Variants in MCPH1 observed in about 807,000 individuals in gnomAD.
MCPH1 encodes the protein microcephalin 1, also known as microcephalin.
A neutral mutation model predicts 84.5 loss-of-function variants in MCPH1; 104 were observed. The ratio of observed to expected loss-of-function variants is 1.23; its 90% CI spans 1.05 to 1.45. The LOEUF (loss-of-function observed/expected upper bound fraction) is 1.45. MCPH1 is among the 40% of genes most tolerant of loss of function. The pLI, the probability that MCPH1 is intolerant of heterozygous loss-of-function variation, is 0.00. For missense variants in MCPH1, 1,498 were observed against 1,005.7 expected (o/e 1.49, Z -6.62); for synonymous variants, 514 against 366.8 (o/e 1.40, Z -4.58).
intron 2 of MCPH1, among the ~76,000 whole-genome samples, chr8:6,410,837 C>T (rs1369024121): frequency 1.3e-5 from 2 of 152,082 alleles, no homozygotes; most frequent in African/African-American, 2.4e-5. Flanking sequence ...GTTTAGAAAA[C>T]AGGCATTATT....
At chr8:6,545,362 C>A (rs952426280) in intron 12 of MCPH1, among the ~76,000 whole-genome samples, 13 of 152,084 alleles carry the variant, frequency 8.5e-5, no homozygotes, top group South Asian at 6.2e-4. Flanking sequence ...CTCAAAAATT[C>A]TTTTAAAAAC....
At chr8:6,501,071 A>G (rs1812083817) in intron 12 of MCPH1, 1 of 152,220 alleles carries the variant, frequency 6.6e-6, no homozygotes, top group Non-Finnish European at 1.5e-5. Context: ...TGTTGAATTC[A>G]TAAAACCTTC....
At chr8:6,494,141 G>C (rs563148089) in intron 11 of MCPH1, 4 of 152,146 alleles carry the variant, frequency 2.6e-5, no homozygotes, top group Admixed American at 1.3e-4. Context: ...GTTTCACCGT[G>C]TTGTCCAGGC....
chr8:6,419,552 C>A (rs901039374), intron 3 of MCPH1, among the ~76,000 whole-genome samples: 13 of 117,264 alleles, frequency 1.1e-4, no homozygotes, highest in African/African-American at 3.9e-4. Flanking sequence ...ACCACCACAC[C>A]TGGCTAATTT....
intron 12 of MCPH1, among the ~76,000 whole-genome samples, chr8:6,596,617 G>A (rs529039019): frequency 6.6e-6 from 1 of 152,192 alleles, no homozygotes; most frequent in East Asian, 1.9e-4. Context: ...ATGAGGGCAT[G>A]ATGAGGGGTG....
chr8:6,606,999 A>G (rs1054309593), intron 12 of MCPH1, among the ~76,000 whole-genome samples: 3 of 152,208 alleles, frequency 2.0e-5, no homozygotes, highest in African/African-American at 7.2e-5. Flanking sequence ...AGTCTTGGGT[A>G]TGTCTTTATC....
chr8:6,591,086 C>T (rs530635376), intron 12 of MCPH1, among the ~76,000 whole-genome samples: 5 of 152,236 alleles, frequency 3.3e-5, no homozygotes, highest in Non-Finnish European at 5.9e-5. Context: ...TTAGTAGAGA[C>T]GGGTTTCTCC....
At chr8:6,445,711 A>G (rs1312608485) in intron 8 of MCPH1, 164 bp downstream of exon 8, 7 of 1,415,674 alleles carry the variant, frequency 4.9e-6, no homozygotes, top group Non-Finnish European at 6.4e-6. Flanking sequence ...CTCTTTAGGA[A>G]TAGATGACTT....
At chr8:6,563,693 T>C (rs951314416) in intron 12 of MCPH1, among the ~76,000 whole-genome samples, 1 of 152,252 alleles carries the variant, frequency 6.6e-6, no homozygotes, top group Non-Finnish European at 1.5e-5. Context: ...GAAGTTTGGC[T>C]CCTGTAAACG....
rs927120394 is a variant in MCPH1 at position 6,643,300 on chromosome 8, T to G, written c.*251T>G. The G allele has an allele frequency of 4.1e-6, 2 of 489,630 alleles. No homozygotes were observed. Among genetic ancestry groups the G allele is most frequent in the Non-Finnish European group, 7.3e-6 (2 of 272,150 alleles). 30.3% of individuals were successfully genotyped at this position (489,630 alleles called of 1,614,324 possible). Reference sequence around the variant, plus strand: ...TATTTTTTGAGACGGAGTCCTGCCCTGTTTCCCAGGCTGGAGTGCAATGGC... The same window carrying G: ...TATTTTTTGAGACGGAGTCCTGCCCGGTTTCCCAGGCTGGAGTGCAATGGC... On this transcript the variant is annotated 3_prime_UTR_variant, in exon 14 of 14. Coordinates refer to ENST00000344683, the MANE Select transcript of MCPH1 (RefSeq NM_024596.5).
chr8:6,477,019 T>C (rs1808552823), intron 9 of MCPH1, among the ~76,000 whole-genome samples: 1 of 151,632 alleles, frequency 6.6e-6, no homozygotes, highest in South Asian at 2.1e-4. Context: ...CAAGTCAGCG[T>C]GCATTTCTTA....
At chr8:6,411,171 T>C (rs1412121748) in intron 2 of MCPH1, among the ~76,000 whole-genome samples, 1 of 152,158 alleles carries the variant, frequency 6.6e-6, no homozygotes, top group Non-Finnish European at 1.5e-5. Flanking sequence ...CTTGGGCATT[T>C]ACACAGGCCT....
chr8:6,625,938 CTTTCT>C (rs921672439), intron 13 of MCPH1: 35 of 974,450 alleles, frequency 3.6e-5, no homozygotes, highest in African/African-American at 2.1e-5. Context: ...TTTTCTTTTC[CTTTCT>C]TTATTATTAT....
chr8:6,540,610 A>G (rs891977837), intron 12 of MCPH1, among the ~76,000 whole-genome samples: 6 of 152,230 alleles, frequency 3.9e-5, no homozygotes, highest in Non-Finnish European at 8.8e-5. Flanking sequence ...GTCTGCATAT[A>G]TAGATATATA....
chr8:6,468,808 A>G (rs1162537511), intron 9 of MCPH1, among the ~76,000 whole-genome samples: 3 of 152,176 alleles, frequency 2.0e-5, no homozygotes, highest in Non-Finnish European at 2.9e-5. Flanking sequence ...CCTGAATATT[A>G]AAAGTCTGTG....
chr8:6,556,998 T>A (rs1434227913), intron 12 of MCPH1, among the ~76,000 whole-genome samples: 1 of 152,284 alleles, frequency 6.6e-6, no homozygotes, highest in South Asian at 2.1e-4. Context: ...TCAACTTGCA[T>A]GGCTCCTGCC....
intron 8 of MCPH1, 39 bp from the exon 9 acceptor site, chr8:6,455,104 G>A (rs1348875941): frequency 1.3e-6 from 2 of 1,501,386 alleles, no homozygotes; most frequent in Non-Finnish European, 1.9e-6. Context: ...TTTGGTCCAT[G>A]TAAAGTTCTA....
At position 6,537,571 on chromosome 8, in the gene MCPH1, A is replaced by AAT. The variant is rs920888606; in HGVS notation, c.2214+37653_2214+37654dup. 5.3e-5 allele frequency among the ~76,000 whole-genome samples: 8 copies of AAT among 151,312 alleles called. No homozygotes were observed. In the South Asian group the frequency reaches 6.3e-4, roughly 12 times the overall value. ...ATATATATATATATATGTTTACATTAATATATATATATTTTAGTGCAAAAT... is the reference window on the plus strand; with the variant it reads ...ATATATATATATATATGTTTACATTAATATATATATATATTTTAGTGCAAAAT... On this transcript the variant is annotated intron_variant, in intron 12 of 13. Transcript: ENST00000344683.
chr8:6,538,462 G>A (rs538854933), intron 12 of MCPH1, among the ~76,000 whole-genome samples: 2 of 152,304 alleles, frequency 1.3e-5, no homozygotes, highest in South Asian at 4.2e-4. Context: ...TTTGCCTGAG[G>A]ATAAGGTCCA....
Sources: allele counts gnomAD v4.1 joint callset (sites outside exome capture counted in the v4.1 genomes callset), GRCh38; gene constraint gnomAD v4.1.1; transcripts MANE v1.5; gene names NCBI Gene and HGNC (gene_info 2026-07-23, HGNC 2026-07-21).